ZFAND3: variants seen among roughly 807,000 people sequenced by gnomAD.
The protein encoded by ZFAND3 is zinc finger AN1-type containing 3.
A neutral mutation model predicts 29.6 loss-of-function variants in ZFAND3; 10 were observed. The ratio of observed to expected loss-of-function variants is 0.34; its 90% CI spans 0.21 to 0.57. The LOEUF (loss-of-function observed/expected upper bound fraction) is 0.57. Among genes scored for constraint, ZFAND3 ranks in the 20% least tolerant of loss-of-function variants. The pLI is 0.86. For synonymous variants in ZFAND3, 128 were observed against 112.6 expected (o/e 1.14, Z -0.87); for missense variants, 230 against 304.5 (o/e 0.76, Z 1.82).
At chr6:38,110,293 A>G (rs1477500514) in intron 4 of ZFAND3, among the ~76,000 whole-genome samples, 1 of 152,186 alleles carries the variant, frequency 6.6e-6, no homozygotes, top group Non-Finnish European at 1.5e-5. Context: ...TTTCAGTCAA[A>G]TGAGGTGGGA....
At chr6:37,837,093 AT>A (rs1763981768) in intron 1 of ZFAND3, among the ~76,000 whole-genome samples, 1 of 152,190 alleles carries the variant, frequency 6.6e-6, no homozygotes, top group South Asian at 2.1e-4. Context: ...ATAGGTTGAG[AT>A]GTCATAGAAA....
In ZFAND3 at chr6:37,996,264, A is replaced by G. The variant is rs116727709; in HGVS notation, c.113-65329A>G. Among the ~76,000 whole-genome samples the G allele has an allele frequency of 2.4e-3, 364 of 152,358 alleles. 1 individual carries two copies. The highest frequency in any genetic ancestry group is 4.6e-3 in the Non-Finnish European group (312 of 68,032). On this transcript the variant is annotated intron_variant, in intron 2 of 5. Coordinates refer to ENST00000287218, the MANE Select transcript of ZFAND3 (RefSeq NM_021943.3). ...AAAATATATGCTGCTGTAAGATTAT[A>G]TTGATAGTCTCACAGTATTTCTCTT...
chr6:37,988,460 T>C (rs1433278020), intron 2 of ZFAND3, among the ~76,000 whole-genome samples: 1 of 152,252 alleles, frequency 6.6e-6, no homozygotes, highest in African/African-American at 2.4e-5. Context: ...AATTTTTATT[T>C]TGTCTTTGTA....
intron 3 of ZFAND3, among the ~76,000 whole-genome samples, chr6:38,076,451 C>T (rs781243876): frequency 7.2e-5 from 11 of 152,046 alleles, no homozygotes; most frequent in African/African-American, 2.2e-4. Flanking sequence ...AGTGGTAATA[C>T]GATTTTGTTG....
chr6:37,983,454 T>G (rs1762614474), intron 2 of ZFAND3, among the ~76,000 whole-genome samples: 1 of 137,664 alleles, frequency 7.3e-6, no homozygotes, highest in Non-Finnish European at 1.5e-5. Context: ...CCTCCCGGGT[T>G]CAAGCTATTC....
At chr6:37,945,022 T>A (rs1029825877) in intron 2 of ZFAND3, among the ~76,000 whole-genome samples, 1 of 152,144 alleles carries the variant, frequency 6.6e-6, no homozygotes, top group African/African-American at 2.4e-5. Flanking sequence ...TGCCACCCAT[T>A]TTTACACCAG....
At chr6:37,998,530 TGA>T (rs1262610534) in intron 2 of ZFAND3, among the ~76,000 whole-genome samples, 8 of 135,450 alleles carry the variant, frequency 5.9e-5, no homozygotes, top group Non-Finnish European at 9.3e-5. Flanking sequence ...ACATCTGTAA[TGA>T]GGGGGGCGGG....
chr6:37,874,763 T>C (rs1316870468), intron 1 of ZFAND3, among the ~76,000 whole-genome samples: 2 of 152,104 alleles, frequency 1.3e-5, no homozygotes, highest in Non-Finnish European at 1.5e-5. Flanking sequence ...TTTGTAGAGA[T>C]GAAGGTCTCG....
At chr6:37,942,620 A>C (rs753688084) in intron 2 of ZFAND3, among the ~76,000 whole-genome samples, 2 of 152,184 alleles carry the variant, frequency 1.3e-5, no homozygotes, top group Admixed American at 1.3e-4. Flanking sequence ...GTAAGCTTCT[A>C]CAATCTTGTG....
intron 2 of ZFAND3, among the ~76,000 whole-genome samples, chr6:37,931,517 C>T (rs1761594056): frequency 6.7e-6 from 1 of 148,838 alleles, no homozygotes; most frequent in Non-Finnish European, 1.5e-5. Flanking sequence ...GCACTCCATC[C>T]TGGTAACAGA....
At chr6:37,947,323 A>G (rs1037234548) in intron 2 of ZFAND3, among the ~76,000 whole-genome samples, 3 of 152,154 alleles carry the variant, frequency 2.0e-5, no homozygotes, top group African/African-American at 7.2e-5. Flanking sequence ...TTTCATATTT[A>G]TCTGTGTAGA....
chr6:38,006,419 C>A (rs1763049634), intron 2 of ZFAND3, among the ~76,000 whole-genome samples: 1 of 151,964 alleles, frequency 6.6e-6, no homozygotes, highest in South Asian at 2.1e-4. Context: ...AAGAGGCTGT[C>A]CTTTTTAAAT....
At chr6:37,889,010 AT>A (rs1158678072) in intron 1 of ZFAND3, among the ~76,000 whole-genome samples, 2 of 152,218 alleles carry the variant, frequency 1.3e-5, no homozygotes, top group Admixed American at 1.3e-4. Flanking sequence ...CACATGGACC[AT>A]CTTTTGAGTA....
chr6:37,827,560 A>T (rs188576426), intron 1 of ZFAND3, among the ~76,000 whole-genome samples: 2 of 152,342 alleles, frequency 1.3e-5, no homozygotes, highest in African/African-American at 4.8e-5. Context: ...GTTACCATAT[A>T]TAGAGAAAGG....
At chr6:38,064,231 G>A (rs751972087) in intron 3 of ZFAND3, among the ~76,000 whole-genome samples, 6 of 152,180 alleles carry the variant, frequency 3.9e-5, no homozygotes, top group Non-Finnish European at 5.9e-5. Flanking sequence ...TACCAGGATC[G>A]GGCCACCACA....
chr6:37,968,399 G>A (rs1322351462), intron 2 of ZFAND3, among the ~76,000 whole-genome samples: 1 of 151,346 alleles, frequency 6.6e-6, no homozygotes, highest in Admixed American at 6.6e-5. Context: ...AATACTAGAT[G>A]CAGACCCCTC....
chr6:37,989,567 T>C (rs576314874), intron 2 of ZFAND3, among the ~76,000 whole-genome samples: 4 of 152,112 alleles, frequency 2.6e-5, no homozygotes, highest in African/African-American at 4.8e-5. Flanking sequence ...ATACCATACA[T>C]TGAGGAATAG....
At chr6:37,957,607 C>G (rs1431966323) in intron 2 of ZFAND3, among the ~76,000 whole-genome samples, 2 of 152,052 alleles carry the variant, frequency 1.3e-5, no homozygotes, top group Non-Finnish European at 2.9e-5. Context: ...GCTGTAGTAT[C>G]TTGAAACTAG....
intron 1 of ZFAND3, among the ~76,000 whole-genome samples, chr6:37,864,788 C>T (rs1045648385): frequency 2.6e-5 from 4 of 152,120 alleles, no homozygotes; most frequent in Non-Finnish European, 5.9e-5. Flanking sequence ...CATACACGCA[C>T]ACTCTCACTC....
Sources: allele counts gnomAD v4.1 joint callset (sites outside exome capture counted in the v4.1 genomes callset), GRCh38; gene constraint gnomAD v4.1.1; transcripts MANE v1.5; gene names NCBI Gene and HGNC (gene_info 2026-07-23, HGNC 2026-07-21).